The following ZNF385B variants were observed in gnomAD, a reference collection of about 807,000 sequenced individuals.
ZNF385B encodes zinc finger protein 385B.
Under a neutral mutation model 39.2 loss-of-function variants are expected in ZNF385B, and 23 were observed. The ratio of observed to expected loss-of-function variants is 0.59; its 90% CI spans 0.42 to 0.83. The LOEUF is 0.83. ZNF385B is among the 40% of genes least tolerant of loss of function. The pLI is 0.00. For missense variants in ZNF385B, 552 were observed against 598.9 expected (o/e 0.92, Z 0.82); for synonymous variants, 205 against 222.6 (o/e 0.92, Z 0.70).
chr2:179,761,761 C>CTTTTTTTTTTTTTTTTTT (rs34325728), intron 3 of ZNF385B, among the ~76,000 whole-genome samples: 5 of 110,288 alleles, frequency 4.5e-5, no homozygotes, highest in Admixed American at 1.0e-4. Context: ...TTTTTCTTTT[C>CTTTTTTTTTTTTTTTTTT]TTTTTTTTTT....
At chr2:179,516,096 G>A (rs1032386061) in intron 5 of ZNF385B, among the ~76,000 whole-genome samples, 4 of 100,654 alleles carry the variant, frequency 4.0e-5, no homozygotes, top group Non-Finnish European at 4.3e-5. Flanking sequence ...GCATGTATCA[G>A]TACTTTCTTT....
At chr2:179,650,604 A>G (rs1354153874) in intron 3 of ZNF385B, among the ~76,000 whole-genome samples, 1 of 152,208 alleles carries the variant, frequency 6.6e-6, no homozygotes, top group Non-Finnish European at 1.5e-5. Context: ...GAATCCTGTA[A>G]CAAGCTGTCA....
intron 3 of ZNF385B, among the ~76,000 whole-genome samples, chr2:179,547,790 A>G (rs1006767596): frequency 6.7e-6 from 1 of 149,504 alleles, no homozygotes; most frequent in Non-Finnish European, 1.5e-5. Flanking sequence ...ATTGCATTGA[A>G]TCTGTAGATT....
intron 3 of ZNF385B, among the ~76,000 whole-genome samples, chr2:179,680,593 T>C (rs942955134): frequency 5.9e-5 from 9 of 152,164 alleles, no homozygotes; most frequent in Non-Finnish European, 8.8e-5. Flanking sequence ...TTATAATTAA[T>C]TAGGACAAAC....
chr2:179,717,066 G>A (rs1276114153), intron 3 of ZNF385B, among the ~76,000 whole-genome samples: 6 of 152,038 alleles, frequency 3.9e-5, no homozygotes, highest in Admixed American at 1.3e-4. Flanking sequence ...CAAGTTTTGC[G>A]GTACTCTGTT....
intron 3 of ZNF385B, among the ~76,000 whole-genome samples, chr2:179,614,188 T>C (rs544210842): frequency 2.0e-5 from 3 of 152,278 alleles, no homozygotes; most frequent in Admixed American, 6.5e-5. Context: ...CTGTGATCAC[T>C]CCCCGGATTT....
chr2:179,804,205 C>A (rs190771009), intron 1 of ZNF385B, among the ~76,000 whole-genome samples: 38 of 152,250 alleles, frequency 2.5e-4, no homozygotes, highest in Non-Finnish European at 4.7e-4. Flanking sequence ...CTCACAAATA[C>A]CACCTTCAGC....
At chr2:179,737,675 G>A (rs1399609112) in intron 3 of ZNF385B, among the ~76,000 whole-genome samples, 1 of 152,094 alleles carries the variant, frequency 6.6e-6, no homozygotes, top group Non-Finnish European at 1.5e-5. Flanking sequence ...GATAATTTCT[G>A]ATTACATCAT....
chr2:179,807,355 T>C (rs1231163811), intron 1 of ZNF385B, among the ~76,000 whole-genome samples: 1 of 152,200 alleles, frequency 6.6e-6, no homozygotes, highest in Non-Finnish European at 1.5e-5. Context: ...CCCAGCACTT[T>C]GGGAGGCCGA....
intron 4 of ZNF385B, among the ~76,000 whole-genome samples, chr2:179,533,503 T>C (rs2059382120): frequency 1.3e-5 from 2 of 152,182 alleles, no homozygotes; most frequent in South Asian, 4.1e-4. Flanking sequence ...ACTACTAATC[T>C]TTTTTGAGTA....
At chr2:179,825,521 AC>A (rs1020723886) in intron 1 of ZNF385B, among the ~76,000 whole-genome samples, 1 of 151,992 alleles carries the variant, frequency 6.6e-6, no homozygotes, top group Admixed American at 6.6e-5. Context: ...CAAAATAACC[AC>A]CCCCCAGTAT....
chr2:179,679,835 G>A (rs1249930683), intron 3 of ZNF385B, among the ~76,000 whole-genome samples: 3 of 152,018 alleles, frequency 2.0e-5, no homozygotes, highest in African/African-American at 7.2e-5. Flanking sequence ...GACTGTTTAT[G>A]TTTCTTATTT....
At chr2:179,537,532 G>A (rs2059653574) in intron 4 of ZNF385B, among the ~76,000 whole-genome samples, 1 of 151,904 alleles carries the variant, frequency 6.6e-6, no homozygotes, top group South Asian at 2.1e-4. Flanking sequence ...CTGAGCTCAG[G>A]AGTTCGAGAC....
At chr2:179,766,728 T>C (rs948362491) in intron 3 of ZNF385B, among the ~76,000 whole-genome samples, 1 of 152,226 alleles carries the variant, frequency 6.6e-6, no homozygotes, top group African/African-American at 2.4e-5. Flanking sequence ...ACCCTAGCTC[T>C]AAATAAGGTC....
intron 3 of ZNF385B, among the ~76,000 whole-genome samples, chr2:179,609,079 A>G (rs1451287826): frequency 3.9e-5 from 6 of 152,092 alleles, no homozygotes; most frequent in Non-Finnish European, 8.8e-5. Flanking sequence ...TGTTACAAAT[A>G]TCTTATTATA....
chr2:179,775,237 A>G (rs1452862593), intron 1 of ZNF385B, among the ~76,000 whole-genome samples: 1 of 152,274 alleles, frequency 6.6e-6, no homozygotes, highest in Admixed American at 6.5e-5. Flanking sequence ...TATTTGATCC[A>G]ATTCAACTAA....
intron 1 of ZNF385B, among the ~76,000 whole-genome samples, chr2:179,843,020 G>A (rs574762906): frequency 6.6e-6 from 1 of 152,188 alleles, no homozygotes; most frequent in East Asian, 1.9e-4. Flanking sequence ...CCAAAACTCT[G>A]CCACAGCATT....
At chr2:179,743,395 T>A (rs1702189205) in intron 3 of ZNF385B, among the ~76,000 whole-genome samples, 1 of 152,104 alleles carries the variant, frequency 6.6e-6, no homozygotes, top group South Asian at 2.1e-4. Flanking sequence ...ACACTCTGTA[T>A]TTCAATAATA....
intron 1 of ZNF385B, among the ~76,000 whole-genome samples, chr2:179,792,014 G>A (rs2106540421): frequency 6.6e-6 from 1 of 152,178 alleles, no homozygotes; most frequent in African/African-American, 2.4e-5. Context: ...CACCTGCCTT[G>A]GCCTTCCAAA....
Sources: allele counts gnomAD v4.1 joint callset (sites outside exome capture counted in the v4.1 genomes callset), GRCh38; gene constraint gnomAD v4.1.1; transcripts MANE v1.5; gene names NCBI Gene and HGNC (gene_info 2026-07-23, HGNC 2026-07-21).